Variants in PTPN3 observed in about 807,000 individuals in gnomAD.
PTPN3 encodes protein tyrosine phosphatase non-receptor type 3.
Under a neutral mutation model 132.7 loss-of-function variants are expected in PTPN3, and 96 were observed. The observed-to-expected ratio is 0.72, with a 90% CI of 0.61 to 0.86. PTPN3 has a LOEUF of 0.86. Ranked by LOEUF, PTPN3 falls within the 40% of genes least tolerant of loss-of-function variation. The pLI is 0.00. For missense variants in PTPN3, 1,125 were observed against 1,159.6 expected, an observed-to-expected ratio of 0.97 and a Z score of 0.43; for synonymous variants, 398 against 429.0, an observed-to-expected ratio of 0.93 and a Z score of 0.89.
At chr9:109,417,587 A>G (rs1224682123) in intron 14 of PTPN3, 2 of 978,630 alleles carry the variant, frequency 2.0e-6, no homozygotes, top group Non-Finnish European at 2.4e-6. Context: ...TGTACTTCTT[A>G]CCTGGAGCAA....
At position 109,457,100 on chromosome 9, in the gene PTPN3, C is replaced by T. The variant is rs115358115; in HGVS notation, c.289+73G>A. On this transcript the variant is annotated intron_variant, in intron 4 of 25. Transcript: ENST00000374541. The stretch of plus-strand genomic sequence containing the variant: ...AGGTACCAGATGTCACAGGCACTGA[C>T]GATTGGAGGGGAGAAACAGGCTGTG... 1.1e-3 allele frequency: 1,645 copies of T among 1,501,882 alleles called. 11 individuals carry two copies. The African/African-American group carries it at 0.02, about 18-fold the overall frequency. 93.0% of individuals were successfully genotyped at this position (1,501,882 alleles called of 1,614,324 possible). A position where few individuals can be genotyped will look rare whatever the true frequency, so the allele number is the denominator to read the frequency against.
intron 5 of PTPN3, among the ~76,000 whole-genome samples, chr9:109,452,600 C>A (rs369689868): frequency 6.6e-6 from 1 of 151,168 alleles, no homozygotes; most frequent in Non-Finnish European, 1.5e-5. Context: ...GGGTCTCAGT[C>A]GATCACTTAG....
upstream of PTPN3, among the ~76,000 whole-genome samples, chr9:109,501,882 T>A (rs1847868123): frequency 6.6e-6 from 1 of 152,176 alleles, no homozygotes; most frequent in Admixed American, 6.5e-5. Flanking sequence ...GAGCTGATAG[T>A]CCTGATGATG....
At chr9:109,505,744 C>T in the PTPN3 span, among the ~76,000 whole-genome samples, 1 of 151,722 alleles carries the variant, frequency 6.6e-6, no homozygotes, top group Non-Finnish European at 1.5e-5. Context: ...AGGATCAGAA[C>T]ATCAACTTCT....
At chr9:109,531,715 T>A in the PTPN3 span, among the ~76,000 whole-genome samples, 1 of 152,118 alleles carries the variant, frequency 6.6e-6, no homozygotes, top group Non-Finnish European at 1.5e-5. Flanking sequence ...ACCCAGTACA[T>A]CCCCTCTGCT....
chr9:109,432,291 ATCT>A (rs1168606952), intron 10 of PTPN3, among the ~76,000 whole-genome samples: 4 of 151,914 alleles, frequency 2.6e-5, no homozygotes, highest in African/African-American at 9.7e-5. Flanking sequence ...CTGGCACCAA[ATCT>A]TCTCTTATCC....
chr9:109,523,784 C>G, the PTPN3 span, among the ~76,000 whole-genome samples: 1 of 42,268 alleles, frequency 2.4e-5, no homozygotes, highest in East Asian at 5.1e-3. Context: ...CAGACAAACA[C>G]ACACATAGTG....
At chr9:109,428,776 A>C (rs1843457701) in intron 10 of PTPN3, 92 bp from the exon 11 acceptor site, 11 of 1,494,038 alleles carry the variant, frequency 7.4e-6, no homozygotes, top group Non-Finnish European at 8.9e-7. Context: ...TTACTCCATG[A>C]TCCTGATGAG....
At chr9:109,532,596 G>A in the PTPN3 span, among the ~76,000 whole-genome samples, 79,011 of 149,914 alleles carry the variant, frequency 0.53, 21,677 homozygotes, top group East Asian at 0.85. Flanking sequence ...AAAAAAAAAA[G>A]AACTAAACTA....
At chr9:109,443,264 A>T (rs533912947) in intron 7 of PTPN3, among the ~76,000 whole-genome samples, 2 of 151,914 alleles carry the variant, frequency 1.3e-5, no homozygotes, top group African/African-American at 2.4e-5. Context: ...TTTTGTAGAG[A>T]TGGGGCTTCA....
At chr9:109,516,385 A>G in the PTPN3 span, among the ~76,000 whole-genome samples, 4 of 152,218 alleles carry the variant, frequency 2.6e-5, no homozygotes, top group Non-Finnish European at 4.4e-5. Flanking sequence ...CTGGTGGGTT[A>G]GAGAAGCTTT....
intron 7 of PTPN3, among the ~76,000 whole-genome samples, chr9:109,438,497 C>T (rs374859183): frequency 2.6e-4 from 39 of 152,156 alleles, no homozygotes; most frequent in African/African-American, 5.3e-4. Flanking sequence ...AATTAGGAGA[C>T]GGTGTTTGAA....
the PTPN3 span, among the ~76,000 whole-genome samples, chr9:109,509,537 C>A: frequency 6.6e-6 from 1 of 152,178 alleles, no homozygotes; most frequent in African/African-American, 2.4e-5. Flanking sequence ...TGCTGGGCTC[C>A]TGGATAGAAT....
upstream of PTPN3, among the ~76,000 whole-genome samples, chr9:109,503,048 G>A (rs1305600840): frequency 6.6e-6 from 1 of 152,102 alleles, no homozygotes; most frequent in Non-Finnish European, 1.5e-5. Flanking sequence ...TAAATCTTAT[G>A]TATGTTTCTT....
chr9:109,532,855 T>A, the PTPN3 span: 1 of 1,046,808 alleles, frequency 9.6e-7, no homozygotes, highest in Admixed American at 3.8e-5. Flanking sequence ...CTGCTTAGCC[T>A]CGGGAGCGGA....
intron 23 of PTPN3, 31 bp downstream of exon 23, chr9:109,383,392 C>T: frequency 3.7e-6 from 6 of 1,614,022 alleles, no homozygotes; most frequent in Non-Finnish European, 5.1e-6. Flanking sequence ...AGCACCTGCC[C>T]CTCCACCGTG....
At chr9:109,425,388 G>A (rs1036861000) in intron 12 of PTPN3, among the ~76,000 whole-genome samples, 5 of 152,168 alleles carry the variant, frequency 3.3e-5, no homozygotes, top group Admixed American at 1.3e-4. Context: ...AACAAATCAC[G>A]AAAACAATTT....
chr9:109,419,674 A>G (rs1274425621), intron 14 of PTPN3, among the ~76,000 whole-genome samples: 1 of 152,230 alleles, frequency 6.6e-6, no homozygotes, highest in Admixed American at 6.5e-5. Flanking sequence ...GTCCTATACA[A>G]GAAATCTGGG....
Position 109,383,422 on chromosome 9 carries a change from C to G in PTPN3, c.2382+1G>C. ...ACCGTGCCCCTCAGGCTGCGGCTCA[C>G]CTGGGTGTTTGTGACCAGCATTTCT... On this transcript the variant is annotated splice_donor_variant, in intron 23 of 25. Transcript: ENST00000374541. LOFTEE classifies it high-confidence loss of function. The G allele has an allele frequency of 6.2e-7, 1 of 1,614,078 alleles. No individual in the cohort carries two copies. The highest frequency in any genetic ancestry group is 8.5e-7 in the Non-Finnish European group (1 of 1,180,004).
Sources: gnomAD v4.1 joint callset for allele counts (sites outside exome capture counted in the v4.1 genomes callset) on GRCh38, gnomAD v4.1.1 for gene constraint, MANE v1.5 for transcripts, NCBI Gene and HGNC (gene_info 2026-07-23, HGNC 2026-07-21) for gene names.